Variants in CLBA1 observed in about 807,000 individuals in gnomAD.
CLBA1 encodes clathrin binding box of aftiphilin containing 1, also known as uncharacterized protein CLBA1.
Under a neutral mutation model 28.8 loss-of-function variants are expected in CLBA1, and 30 were observed. That is an observed-to-expected ratio of 1.04 (90% CI 0.78 to 1.41). The LOEUF is 1.41. Among genes scored for constraint, CLBA1 ranks in the 40% most tolerant of loss-of-function variants. CLBA1 has a pLI of 0.00. For synonymous variants in CLBA1, 160 were observed against 152.8 expected, an observed-to-expected ratio of 1.05 and a Z score of -0.35; for missense variants, 451 against 412.3, an observed-to-expected ratio of 1.09 and a Z score of -0.81.
chr14:104,988,917 G>T (rs762582713), intron 1 of CLBA1, 26 bp from the exon 2 acceptor site: 2 of 1,575,360 alleles, frequency 1.3e-6, no homozygotes, highest in South Asian at 2.3e-5. Context: ...CCTAACTTTG[G>T]TATGCTTTTC....
In CLBA1 at chr14:104,993,101, G is replaced by A. The variant is rs750106224; in HGVS notation, c.816+37G>A. On this transcript the variant is annotated intron_variant, in intron 4 of 4. Coordinates refer to ENST00000547315, the MANE Select transcript of CLBA1 (RefSeq NM_174891.4). ...CCAAGGAGAGGCCTCAGGGAACCGC[G>A]CTGGCGGTGTCCACACATGTGGAGC... 9.4e-6 allele frequency: 15 copies of A among 1,592,936 alleles called. No homozygotes were observed. The African/African-American group carries it at 1.2e-4, about 13-fold the overall frequency.
rs930997140 is a variant in CLBA1 at position 104,993,823 on chromosome 14, G to A, written c.816+759G>A. The A allele has an allele frequency of 2.7e-5, 27 of 985,348 alleles. No homozygotes were observed. The African/African-American group carries it at 3.8e-4, about 14-fold the overall frequency. The allele number at this position is 985,348 out of a possible 1,614,324, so 61.0% of individuals were successfully genotyped here. On this transcript the variant is annotated intron_variant, in intron 4 of 4. Transcript: ENST00000547315. ...GAGATGGTGGGAGGGGCGCATGGGC[G>A]GCTGTGAGCATGAAGAGTGACATGC...
intron 1 of CLBA1, among the ~76,000 whole-genome samples, chr14:104,988,335 C>CTTTTTTTTT (rs33995599): frequency 7.2e-6 from 1 of 138,992 alleles, no homozygotes; most frequent in African/African-American, 2.7e-5. Flanking sequence ...TGTATAATTT[C>CTTTTTTTTT]TTTTTTTTTT....
In CLBA1 at chr14:104,993,483, C is replaced by T. The variant is rs1193899729; in HGVS notation, c.816+419C>T. ...CGGATCTGACTGGCGGCTTCAGTCA[C>T]GGGCCGCTTACCCTACACAGGGTCT... On this transcript the variant is annotated intron_variant, in intron 4 of 4. Transcript: ENST00000547315. 1.6e-5 allele frequency: 16 copies of T among 985,292 alleles called. No homozygotes were observed. The East Asian group carries it at 3.4e-4, about 21-fold the overall frequency. 61.0% of individuals were successfully genotyped at this position (985,292 alleles called of 1,614,324 possible). A position where few individuals can be genotyped will look rare whatever the true frequency, so the allele number is the denominator to read the frequency against.
chr14:104,994,812 G>A lies in CLBA1; in HGVS notation c.*53G>A, dbSNP rs1900128886. 5 of 1,551,406 alleles carry A rather than the reference G, an allele frequency of 3.2e-6. No individual in the cohort carries two copies. The highest frequency in any genetic ancestry group is 1.9e-5 in the Admixed American group (1 of 53,202). ...GGAATTTTTCATTTTCTTCCTGGCTGGGTTGATGTGGAAACCAGAGCTGTC... is the reference window on the plus strand; with the variant it reads ...GGAATTTTTCATTTTCTTCCTGGCTAGGTTGATGTGGAAACCAGAGCTGTC... On this transcript the variant is annotated 3_prime_UTR_variant, in exon 5 of 5. Transcript: ENST00000547315.
chr14:105,000,211 G>GTT (rs1377517134), downstream of CLBA1, among the ~76,000 whole-genome samples: 1 of 151,770 alleles, frequency 6.6e-6, no homozygotes, highest in Non-Finnish European at 1.5e-5. Context: ...CTCAAACAAC[G>GTT]TAACAGGAAG....
In CLBA1 at chr14:104,994,635, T is replaced by C; in HGVS notation, c.854T>C (p.Met285Thr). 6.2e-7 allele frequency: 1 copy of C among 1,613,212 alleles called. No homozygotes were observed. Among genetic ancestry groups the C allele is most frequent in the Non-Finnish European group, 8.5e-7 (1 of 1,179,936 alleles). Residue 285 changes from methionine to threonine, a missense_variant, in exon 5 of 5, where the codon ATG becomes ACG. Transcript: ENST00000547315. ...CCTGGCAGCAAACAGGGGAGGCTGA[T>C]GACATGCAGCCGCTTCCTGAAGACC... ...GPPGSKQGRL[M>T]TCSRFLKTPS...
In CLBA1 at chr14:104,986,800, A is replaced by G. The variant is rs79691215; in HGVS notation, c.369A>G (p.Gln123=). The G allele has an allele frequency of 2.8e-3, 4,474 of 1,613,210 alleles. 117 individuals carry two copies. In the African/African-American group the frequency reaches 0.051, roughly 18 times the overall value. ...CCCCAAAAGAGTGCAGTTCTCACCAACCATGCCAGGGTGGACCTTGGGTGA... is the reference window on the plus strand; with the variant it reads ...CCCCAAAAGAGTGCAGTTCTCACCAGCCATGCCAGGGTGGACCTTGGGTGA... ...TSAPKECSSH[Q]PCQGGPWVTG... Residue 123 remains glutamine (Q), a synonymous_variant, in exon 1 of 5, where the codon CAA becomes CAG. Transcript: ENST00000547315.
downstream of CLBA1, among the ~76,000 whole-genome samples, chr14:104,997,443 C>G (rs1164298550): frequency 6.6e-6 from 1 of 152,126 alleles, no homozygotes; most frequent in African/African-American, 2.4e-5. Flanking sequence ...AGAAATATTC[C>G]AAGACCGAAT....
At chr14:104,987,246 A>T (rs1899889984) in intron 1 of CLBA1, among the ~76,000 whole-genome samples, 1 of 152,258 alleles carries the variant, frequency 6.6e-6, no homozygotes, top group Admixed American at 6.5e-5. Flanking sequence ...AGAGATTCTA[A>T]AATCACATGA....
chr14:104,989,398 C>T (rs1027698096), intron 2 of CLBA1: 8 of 402,730 alleles, frequency 2.0e-5, no homozygotes, highest in East Asian at 5.6e-5. Flanking sequence ...GCATTCAGTG[C>T]GAGTGGCTGG....
rs1403794013 is a variant in CLBA1, at chr14:104,995,209, T to C, written c.*450T>C. The C allele has an allele frequency of 2.1e-6, 2 of 973,184 alleles. No individual in the cohort carries two copies. 60.3% of individuals were successfully genotyped at this position (973,184 alleles called of 1,614,324 possible). A position where few individuals can be genotyped will look rare whatever the true frequency, so the allele number is the denominator to read the frequency against. The stretch of plus-strand genomic sequence containing the variant: ...CTGTTGAGACCGCTCAGAAACCCTC[T>C]GTCTGTCACACTCTGCCCTGGCTGC... On this transcript the variant is annotated 3_prime_UTR_variant, in exon 5 of 5. Coordinates refer to ENST00000547315, the MANE Select transcript of CLBA1 (RefSeq NM_174891.4).
chr14:104,987,228 A>G (rs759719054), intron 1 of CLBA1, among the ~76,000 whole-genome samples: 2 of 152,262 alleles, frequency 1.3e-5, no homozygotes, highest in African/African-American at 2.4e-5. Flanking sequence ...GCTGAGTTCA[A>G]AAGTCTCAGA....
chr14:104,988,561 G>A (rs371881220), intron 1 of CLBA1, among the ~76,000 whole-genome samples: 1 of 152,082 alleles, frequency 6.6e-6, no homozygotes, highest in Non-Finnish European at 1.5e-5. Context: ...GGCTGGTCTC[G>A]AACTCCTGAC....
At chr14:104,991,967 G>A (rs1224898298) in intron 3 of CLBA1, among the ~76,000 whole-genome samples, 9 of 127,472 alleles carry the variant, frequency 7.1e-5, no homozygotes, top group African/African-American at 2.4e-4. Flanking sequence ...CGCACACGCC[G>A]CCACACACAC....
intron 4 of CLBA1, chr14:104,994,227 TG>T: frequency 7.1e-6 from 7 of 985,458 alleles, no homozygotes; most frequent in Non-Finnish European, 8.4e-6. Context: ...CGCAGCTGTT[TG>T]GGGGAAGTCT....
At chr14:104,995,887 G>A (rs988870244), downstream of CLBA1, among the ~76,000 whole-genome samples, 16 of 152,212 alleles carry the variant, frequency 1.1e-4, no homozygotes, top group Non-Finnish European at 2.1e-4. Flanking sequence ...TCAGCCAGGG[G>A]AAAGTGGGAA....
intron 3 of CLBA1, among the ~76,000 whole-genome samples, chr14:104,992,052 A>G (rs1189606403): frequency 8.0e-6 from 1 of 125,606 alleles, no homozygotes; most frequent in Admixed American, 8.4e-5. Context: ...ACACGCCACC[A>G]CGCACACGCC....
chr14:104,994,121 A>T, intron 4 of CLBA1: 1 of 985,242 alleles, frequency 1.0e-6, no homozygotes, highest in Non-Finnish European at 1.2e-6. Context: ...CTTTTTGAAA[A>T]GCACCATAGC....
Sources: allele counts gnomAD v4.1 joint callset (sites outside exome capture counted in the v4.1 genomes callset), GRCh38; gene constraint gnomAD v4.1.1; transcripts MANE v1.5; gene names NCBI Gene and HGNC (gene_info 2026-07-23, HGNC 2026-07-21).